The following ARHGAP19 variants were observed in gnomAD, a reference collection of about 807,000 sequenced individuals.
ARHGAP19 encodes Rho GTPase activating protein 19, also known as rho GTPase-activating protein 19.
A neutral mutation model predicts 60.9 loss-of-function variants in ARHGAP19; 48 were observed. The observed-to-expected ratio is 0.79, with a 90% CI of 0.62 to 1.00. The LOEUF (loss-of-function observed/expected upper bound fraction) is 1.00. ARHGAP19 is among the 50% of genes least tolerant of loss of function. ARHGAP19 has a pLI of 0.00. For synonymous variants in ARHGAP19, 209 were observed against 215.5 expected (o/e 0.97, Z 0.27); for missense variants, 562 against 597.2 (o/e 0.94, Z 0.61).
chr10:97,283,423 G>A (rs570245560), intron 1 of ARHGAP19, among the ~76,000 whole-genome samples: 15 of 151,884 alleles, frequency 9.9e-5, no homozygotes, highest in African/African-American at 2.9e-4. Context: ...GCATGGTGGC[G>A]CATGCCTGTA....
intron 1 of ARHGAP19, among the ~76,000 whole-genome samples, chr10:97,287,041 G>A (rs550905567): frequency 2.0e-5 from 3 of 152,170 alleles, no homozygotes; most frequent in East Asian, 1.9e-4. Flanking sequence ...TCCACCTCCC[G>A]AGCTCAAGTG....
chr10:97,282,136 C>T (rs765907091), intron 1 of ARHGAP19, among the ~76,000 whole-genome samples: 1 of 152,174 alleles, frequency 6.6e-6, no homozygotes, highest in Non-Finnish European at 1.5e-5. Flanking sequence ...TGCCTGTGAG[C>T]ATGTCATCCA....
intron 1 of ARHGAP19, among the ~76,000 whole-genome samples, 165 bp downstream of exon 1, chr10:97,292,407 C>G (rs12356559): frequency 0.041 from 6,220 of 152,292 alleles, 201 homozygotes; most frequent in Non-Finnish European, 0.061. Flanking sequence ...GTCCAGCGCC[C>G]AGGCCCGACC....
At chr10:97,239,873 A>G (rs766263679) in intron 8 of ARHGAP19, among the ~76,000 whole-genome samples, 25 of 150,658 alleles carry the variant, frequency 1.7e-4, no homozygotes, top group Non-Finnish European at 2.5e-4. Flanking sequence ...ATGCCTGGCT[A>G]ATTTTGTATT....
At chr10:97,227,415 G>A (rs1850917961) in intron 11 of ARHGAP19, among the ~76,000 whole-genome samples, 1 of 152,104 alleles carries the variant, frequency 6.6e-6, no homozygotes, top group African/African-American at 2.4e-5. Context: ...GCTGCAAAGA[G>A]GCAGGAGAAG....
At chr10:97,281,233 AAAAAAAATTG>A (rs1843082237) in intron 1 of ARHGAP19, among the ~76,000 whole-genome samples, 1 of 148,892 alleles carries the variant, frequency 6.7e-6, no homozygotes, top group African/African-American at 2.6e-5. Flanking sequence ...AAAAAAAAAA[AAAAAAAATTG>A]TTTTTAAATT....
At chr10:97,246,170 T>C in intron 7 of ARHGAP19, 102 bp downstream of exon 7, 1 of 980,002 alleles carries the variant, frequency 1.0e-6, no homozygotes, top group Non-Finnish European at 1.6e-6. Flanking sequence ...TACTAAAACT[T>C]ATTATTTTCC....
intron 6 of ARHGAP19, among the ~76,000 whole-genome samples, chr10:97,252,066 G>A (rs1842690848): frequency 6.6e-6 from 1 of 152,028 alleles, no homozygotes; most frequent in Non-Finnish European, 1.5e-5. Flanking sequence ...GTTGGGAAGA[G>A]TTAAACCAGA....
intron 5 of ARHGAP19, chr10:97,258,743 CA>C (rs1169787173): frequency 6.6e-6 from 1 of 151,826 alleles, no homozygotes; most frequent in African/African-American, 2.4e-5. Flanking sequence ...GCGTGGGCAA[CA>C]AAACGAGACC....
In ARHGAP19 at chr10:97,288,142, A is replaced by G. The variant is rs999024393; in HGVS notation, c.56+4430T>C. ...TATTAGGAGCAGTGTTAAAATAATG[A>G]TGAAAAAACAAAAAGCTGGGCAGTT... On this transcript the variant is annotated intron_variant, in intron 1 of 11. Coordinates refer to ENST00000358531, the MANE Select transcript of ARHGAP19 (RefSeq NM_032900.6). 7.9e-5 allele frequency among the ~76,000 whole-genome samples: 12 copies of G among 152,220 alleles called. 1 individual carries two copies. The highest frequency in any genetic ancestry group is 2.9e-4 in the African/African-American group (12 of 41,466).
intron 1 of ARHGAP19, among the ~76,000 whole-genome samples, chr10:97,267,882 A>G (rs1439219030): frequency 6.6e-6 from 1 of 152,228 alleles, no homozygotes; most frequent in East Asian, 1.9e-4. Context: ...GTACGCCTCC[A>G]GGCCTGTGAT....
chr10:97,230,250 C>T (rs1467978382), intron 9 of ARHGAP19, among the ~76,000 whole-genome samples: 1 of 152,184 alleles, frequency 6.6e-6, no homozygotes, highest in African/African-American at 2.4e-5. Flanking sequence ...TGTGCTGTCT[C>T]TGGCAACTAT....
At chr10:97,230,309 C>G (rs1266154621) in intron 9 of ARHGAP19, among the ~76,000 whole-genome samples, 1 of 152,196 alleles carries the variant, frequency 6.6e-6, no homozygotes, top group Non-Finnish European at 1.5e-5. Context: ...CTTAGGCTGG[C>G]TCTTCTCTAA....
chr10:97,228,228 G>T (rs793516), intron 11 of ARHGAP19, among the ~76,000 whole-genome samples: 43,537 of 152,036 alleles, frequency 0.29, 6,380 homozygotes, highest in Non-Finnish European at 0.32. Flanking sequence ...TCTGCCTATT[G>T]CTGATGTCTC....
chr10:97,259,662 G>A (rs780022844), intron 4 of ARHGAP19, 34 bp from the exon 5 acceptor site: 13 of 1,516,680 alleles, frequency 8.6e-6, no homozygotes, highest in Non-Finnish European at 1.2e-5. Context: ...AAAGTGGGGA[G>A]AAAATATCAG....
Position 97,264,893 on chromosome 10 carries a change from T to C in ARHGAP19, c.336A>G (p.Ile112Met), listed in dbSNP as rs1432787938. The C allele has an allele frequency of 3.7e-6, 6 of 1,613,176 alleles. No homozygotes were observed. Among genetic ancestry groups the C allele is most frequent in the Middle Eastern group, 1.6e-4 (1 of 6,082 alleles). Residue 112 changes from isoleucine to methionine, a missense_variant, in exon 3 of 12, where the codon ATA becomes ATG. By Grantham distance (10) the Ile-to-Met change is conservative (BLOSUM62 1). Coordinates refer to ENST00000358531, the MANE Select transcript of ARHGAP19 (RefSeq NM_032900.6). The stretch of plus-strand genomic sequence containing the variant: ...CTTCCTCCGTCAGTGGGGACCCAAA[T>C]ATCACTCCTTTTTCTGAAAAACCAT... ...MSLKRKEKGVIFGSPLTEEGI... is the reference protein window; with the variant it reads ...MSLKRKEKGVMFGSPLTEEGI...
chr10:97,280,978 T>C (rs1843077148), intron 1 of ARHGAP19, among the ~76,000 whole-genome samples: 1 of 152,226 alleles, frequency 6.6e-6, no homozygotes, highest in Admixed American at 6.5e-5. Flanking sequence ...TACTTCTATA[T>C]TCATTTGTTC....
intron 4 of ARHGAP19, among the ~76,000 whole-genome samples, chr10:97,260,994 T>C (rs1295532796): frequency 6.6e-6 from 1 of 150,920 alleles, no homozygotes; most frequent in Non-Finnish European, 1.5e-5. Flanking sequence ...CTCACTCCAC[T>C]TTTCCCCACT....
chr10:97,278,061 T>TA (rs1451955267), intron 1 of ARHGAP19: 1 of 153,008 alleles, frequency 6.5e-6, no homozygotes, highest in Non-Finnish European at 1.5e-5. Context: ...TCTTTCTTTA[T>TA]AAATTCTACA....
Sources: allele counts gnomAD v4.1 joint callset (sites outside exome capture counted in the v4.1 genomes callset), GRCh38; gene constraint gnomAD v4.1.1; transcripts MANE v1.5; gene names NCBI Gene and HGNC (gene_info 2026-07-23, HGNC 2026-07-21).